The following GALNT13 variants were observed in gnomAD, a reference collection of about 807,000 sequenced individuals.
GALNT13 encodes polypeptide N-acetylgalactosaminyltransferase 13, also known as UDP-GalNAc:polypeptide N-acetylgalactosaminyltransferase 13.
Under a neutral mutation model 64.2 loss-of-function variants are expected in GALNT13, and 28 were observed. That is an observed-to-expected ratio of 0.44 (90% confidence interval 0.32 to 0.60). The LOEUF (loss-of-function observed/expected upper bound fraction) is 0.60. Among genes scored for constraint, GALNT13 ranks in the 20% least tolerant of loss-of-function variants. GALNT13 has a pLI of 0.05. For missense variants in GALNT13, 577 were observed against 669.8 expected (o/e 0.86, Z 1.53); for synonymous variants, 214 against 224.6 (o/e 0.95, Z 0.42).
chr2:153,352,852 A>G, the GALNT13 span, among the ~76,000 whole-genome samples: 3 of 152,000 alleles, frequency 2.0e-5, no homozygotes, highest in Admixed American at 6.6e-5. Flanking sequence ...TTTAATGGCT[A>G]TAGCTTTGTA....
chr2:153,500,906 T>A, the GALNT13 span, among the ~76,000 whole-genome samples: 1 of 152,148 alleles, frequency 6.6e-6, no homozygotes, highest in Non-Finnish European at 1.5e-5. Context: ...TCATACAATT[T>A]TGGAACATAT....
At chr2:153,230,735 C>A in the GALNT13 span, among the ~76,000 whole-genome samples, 1 of 152,070 alleles carries the variant, frequency 6.6e-6, no homozygotes, top group Admixed American at 6.6e-5. Flanking sequence ...GTTTACTGGC[C>A]GCTTTCATGT....
At chr2:154,349,159 G>A (rs965381388) in intron 9 of GALNT13, among the ~76,000 whole-genome samples, 2 of 152,110 alleles carry the variant, frequency 1.3e-5, no homozygotes, top group Non-Finnish European at 2.9e-5. Context: ...AAACAGGCAC[G>A]TATAATCCAA....
At chr2:153,733,952 T>C in the GALNT13 span, among the ~76,000 whole-genome samples, 1 of 152,138 alleles carries the variant, frequency 6.6e-6, no homozygotes, top group Non-Finnish European at 1.5e-5. Context: ...CATCCCCTTT[T>C]TATTTCTTCA....
chr2:154,203,901 A>G (rs975551095), intron 4 of GALNT13, among the ~76,000 whole-genome samples: 2 of 152,178 alleles, frequency 1.3e-5, no homozygotes, highest in Non-Finnish European at 2.9e-5. Context: ...ACTAAGTGGA[A>G]TGGGGTCACT....
intron 9 of GALNT13, among the ~76,000 whole-genome samples, chr2:154,327,684 A>G (rs1035367121): frequency 2.0e-5 from 3 of 152,090 alleles, no homozygotes; most frequent in Non-Finnish European, 4.4e-5. Context: ...CATTACTGCA[A>G]TTTAAACTCT....
intron 1 of GALNT13, among the ~76,000 whole-genome samples, chr2:153,890,184 G>T (rs1687463121): frequency 6.6e-6 from 1 of 151,924 alleles, no homozygotes; most frequent in Non-Finnish European, 1.5e-5. Context: ...TATGAACAGT[G>T]TTCCAAATGT....
At chr2:153,560,057 T>C in the GALNT13 span, among the ~76,000 whole-genome samples, 1 of 152,050 alleles carries the variant, frequency 6.6e-6, no homozygotes, top group African/African-American at 2.4e-5. Flanking sequence ...CCCATCAAAT[T>C]GGTTCCTATA....
chr2:154,360,424 T>G (rs1167432360), intron 9 of GALNT13, among the ~76,000 whole-genome samples: 1 of 152,160 alleles, frequency 6.6e-6, no homozygotes, highest in Admixed American at 6.6e-5. Context: ...GTCCAACTTC[T>G]TAAATAGATC....
rs557718337 is a variant in GALNT13, at chr2:153,933,253, T to G, written c.-104-11141T>G. Among the ~76,000 whole-genome samples the G allele has an allele frequency of 2.6e-5, 4 of 152,324 alleles. No homozygotes were observed. The South Asian group carries it at 8.3e-4, about 32-fold the overall frequency. ...CCCCCATTACTATTGTGTGGTTATC[T>G]AAGTCTCTTTGTAGGTTCCTAAAAA... On this transcript the variant is annotated intron_variant, in intron 2 of 12. Transcript: ENST00000392825.
chr2:153,480,036 C>T, the GALNT13 span, among the ~76,000 whole-genome samples: 2 of 152,124 alleles, frequency 1.3e-5, no homozygotes, highest in Admixed American at 6.5e-5. Flanking sequence ...GTTCTCACCA[C>T]AAAGAACTGA....
chr2:153,683,034 G>A, the GALNT13 span, among the ~76,000 whole-genome samples: 5 of 151,672 alleles, frequency 3.3e-5, no homozygotes, highest in Non-Finnish European at 5.9e-5. Flanking sequence ...GGAAAAAAAA[G>A]GAAAAACAAA....
chr2:153,220,913 TTATAAG>T, the GALNT13 span, among the ~76,000 whole-genome samples: 1 of 152,192 alleles, frequency 6.6e-6, no homozygotes, highest in African/African-American at 2.4e-5. Context: ...CTGTCCTCAC[TTATAAG>T]TAGGAGCTAA....
At chr2:154,344,816 A>T (rs1259299927) in intron 9 of GALNT13, among the ~76,000 whole-genome samples, 4 of 151,870 alleles carry the variant, frequency 2.6e-5, no homozygotes, top group Non-Finnish European at 1.5e-5. Context: ...AGAAAGGTAT[A>T]TTTTGAATTC....
the GALNT13 span, among the ~76,000 whole-genome samples, chr2:153,791,629 G>A: frequency 6.6e-6 from 1 of 152,090 alleles, no homozygotes. Context: ...ACATGTGTAT[G>A]TTCATTCCAG....
intron 1 of GALNT13, among the ~76,000 whole-genome samples, chr2:153,891,836 CT>C (rs147033880): frequency 0.14 from 21,141 of 151,792 alleles, 1,672 homozygotes; most frequent in South Asian, 0.21. Flanking sequence ...TCCAAATGAC[CT>C]TTTTTGGCCT....
the GALNT13 span, among the ~76,000 whole-genome samples, chr2:153,851,303 T>A: frequency 1.3e-5 from 2 of 152,082 alleles, no homozygotes; most frequent in Non-Finnish European, 2.9e-5. Flanking sequence ...AAAATGCCTT[T>A]CAAAAAAGTA....
chr2:154,376,565 A>C (rs1698005440), intron 9 of GALNT13, among the ~76,000 whole-genome samples: 1 of 152,238 alleles, frequency 6.6e-6, no homozygotes, highest in Admixed American at 6.5e-5. Context: ...TCTGAGTCTT[A>C]ATGAAATCTC....
At chr2:153,414,476 A>G in the GALNT13 span, among the ~76,000 whole-genome samples, 1 of 150,858 alleles carries the variant, frequency 6.6e-6, no homozygotes, top group Non-Finnish European at 1.5e-5. Flanking sequence ...CAGGATAAAA[A>G]GATTTTTTTT....
Sources: allele counts gnomAD v4.1 joint callset (sites outside exome capture counted in the v4.1 genomes callset), GRCh38; gene constraint gnomAD v4.1.1; transcripts MANE v1.5; gene names NCBI Gene and HGNC (gene_info 2026-07-23, HGNC 2026-07-21).